Variants in ALS2 observed in about 807,000 individuals in gnomAD.
ALS2 encodes the protein alsin Rho guanine nucleotide exchange factor ALS2.
A neutral mutation model predicts 203.4 loss-of-function variants in ALS2; 117 were observed. The ratio of observed to expected loss-of-function variants is 0.58; its 90% CI spans 0.50 to 0.67. The LOEUF is 0.67. ALS2 is among the 30% of genes least tolerant of loss of function. ALS2 has a pLI of 0.00. For missense variants in ALS2, 1,715 were observed against 1,989.4 expected (o/e 0.86, Z 2.62); for synonymous variants, 718 against 725.9 (o/e 0.99, Z 0.17).
At chr2:201,738,298 G>C (rs575469870) in intron 12 of ALS2, among the ~76,000 whole-genome samples, 1 of 152,102 alleles carries the variant, frequency 6.6e-6, no homozygotes, top group African/African-American at 2.4e-5. Context: ...TTGTATCTGC[G>C]CAAACACTTT....
intron 17 of ALS2, 134 bp downstream of exon 17, chr2:201,727,078 T>C: frequency 1.0e-6 from 1 of 975,122 alleles, no homozygotes; most frequent in East Asian, 2.5e-5. Flanking sequence ...CCTACAGTTT[T>C]GGGTTAATGA....
intron 5 of ALS2, among the ~76,000 whole-genome samples, chr2:201,756,969 T>C (rs1222443134): frequency 6.6e-6 from 1 of 152,204 alleles, no homozygotes; most frequent in African/African-American, 2.4e-5. Flanking sequence ...CATAATATTC[T>C]AAAAAGTTTA....
At position 201,738,684 on chromosome 2, in the gene ALS2, A is replaced by G. The variant is rs202157209; in HGVS notation, c.2403T>C (p.Leu801=). The change falls in exon 12 of 34, where the codon CTT becomes CTC. Residue 801 remains leucine (L), a synonymous_variant. Coordinates refer to ENST00000264276, the MANE Select transcript of ALS2 (RefSeq NM_020919.4). ...NFLVMGGFQL[L]AKPAIDFLNK... ...GGTTTGCTTACATGGCAGGCTTAGC[A>G]AGAAGCTGGAATCCTCCCATAACCA... 8 of 1,614,128 alleles carry G rather than the reference A, an allele frequency of 5.0e-6. No individual in the cohort carries two copies. The Admixed American group carries it at 1.2e-4, about 24-fold the overall frequency.
intron 4 of ALS2, among the ~76,000 whole-genome samples, chr2:201,759,200 T>A (rs1229944041): frequency 6.6e-6 from 1 of 152,148 alleles, no homozygotes; most frequent in Non-Finnish European, 1.5e-5. Flanking sequence ...TCCTTCTACT[T>A]AATTATATTT....
At chr2:201,727,834 G>A (rs1026825089) in intron 15 of ALS2, 59 bp from the exon 16 acceptor site, 50 of 1,450,322 alleles carry the variant, frequency 3.4e-5, no homozygotes, top group Non-Finnish European at 4.0e-5. Flanking sequence ...CGGGGACTCT[G>A]CCCATATCCC....
rs755026610 is a variant in ALS2, at chr2:201,767,246, C to A, written c.158G>T (p.Gly53Val). ...TTCATTACCTTCAGTCAGAAGAACT[C>A]CATGTTTCACTCCGAGGGCTGCCTG... ...VLQAALGVKH[G>V]VLLTEDGEVY... Residue 53 changes from glycine to valine, a missense_variant, in exon 3 of 34, where the codon GGA (glycine) becomes GTA (valine). This residue lies in a region of ALS2 where 476 missense variants were observed against 539.3 expected (regional missense o/e 0.88). Coordinates refer to ENST00000264276, the MANE Select transcript of ALS2 (RefSeq NM_020919.4). 4 of 1,614,098 alleles carry A rather than the reference C, an allele frequency of 2.5e-6. No individual in the cohort carries two copies. Among genetic ancestry groups the A allele is most frequent in the Non-Finnish European group, 3.4e-6 (4 of 1,180,022 alleles).
At chr2:201,710,309 A>G (rs1376930173) in intron 26 of ALS2, among the ~76,000 whole-genome samples, 5 of 152,154 alleles carry the variant, frequency 3.3e-5, no homozygotes, top group African/African-American at 1.2e-4. Context: ...ACTAAAAGAA[A>G]GATTCTGCTG....
chr2:201,725,294 C>T, intron 20 of ALS2, 62 bp downstream of exon 20: 1 of 1,414,624 alleles, frequency 7.1e-7, no homozygotes, highest in South Asian at 1.2e-5. Context: ...GCTATGCAAA[C>T]ATTCAGGTTT....
At chr2:201,777,262 A>AG (rs1694703191) in intron 1 of ALS2, among the ~76,000 whole-genome samples, 1 of 152,098 alleles carries the variant, frequency 6.6e-6, no homozygotes, top group African/African-American at 2.4e-5. Context: ...TTCATGTCCT[A>AG]AAGAAAGCAT....
Position 201,753,193 on chromosome 2 carries a change from G to C in ALS2, c.1690C>G (p.Leu564Val), listed in dbSNP as rs1207537179. ...AGAGAATGGTAACCACCTGCCTCCA[G>C]ATGGATTACTTCTTTGCCATCCAGA... Reference protein sequence around the residue: ...KCLDGKEVIHLEAGGYHSLAL... With the variant: ...KCLDGKEVIHVEAGGYHSLAL... Residue 564 changes from leucine (L) to valine (V), a missense_variant, in exon 7 of 34, where the codon CTG becomes GTG. Physicochemically the swap from Leu to Val is conservative, Grantham distance 32. Around this residue, in one of 3 missense-constraint regions of ALS2, gnomAD observed 1,227 missense variants for 1,413.5 expected, o/e 0.87. Coordinates refer to ENST00000264276, the MANE Select transcript of ALS2 (RefSeq NM_020919.4). The C allele has an allele frequency of 6.2e-7, 1 of 1,614,118 alleles. No homozygotes were observed. Among genetic ancestry groups the C allele is most frequent in the South Asian group, 1.1e-5 (1 of 91,086 alleles).
intron 5 of ALS2, among the ~76,000 whole-genome samples, chr2:201,755,114 C>T (rs1208744409): frequency 5.9e-5 from 9 of 152,112 alleles, no homozygotes; most frequent in African/African-American, 1.7e-4. Context: ...CAAAAATTAA[C>T]GAGCCAGGCA....
chr2:201,702,837 C>G, intron 33 of ALS2, among the ~76,000 whole-genome samples: 1 of 152,084 alleles, frequency 6.6e-6, no homozygotes, highest in East Asian at 1.9e-4. Flanking sequence ...AATGGTAGGC[C>G]AGGTGCAGTG....
chr2:201,704,578 G>A lies in ALS2; in HGVS notation c.4714C>T (p.Leu1572Phe). ...TCAAAAGTCTGCTGGATGACCTTAAGTTTGTCTGATGGGGTAAATGTTGTG... is the reference window on the plus strand; with the variant it reads ...TCAAAAGTCTGCTGGATGACCTTAAATTTGTCTGATGGGGTAAATGTTGTG... ...ISTTFTPSDK[L>F]KVIQQTFEEI... Residue 1572 changes from leucine to phenylalanine, a missense_variant, in exon 32 of 34, where the codon CTT becomes TTT. Coordinates refer to ENST00000264276, the MANE Select transcript of ALS2 (RefSeq NM_020919.4). The A allele has an allele frequency of 6.2e-7, 1 of 1,614,140 alleles. No individual in the cohort carries two copies. Among genetic ancestry groups the A allele is most frequent in the Non-Finnish European group, 8.5e-7 (1 of 1,180,004 alleles).
In ALS2 at chr2:201,733,314, C is replaced by T. The variant is rs555276199; in HGVS notation, c.2542G>A (p.Ala848Thr). Reference protein sequence around the residue: ...FLPIRRLHNYAKVLLKLATCF... With the variant: ...FLPIRRLHNYTKVLLKLATCF... The stretch of plus-strand genomic sequence containing the variant: ...GTAGCAAGCTTTAGCAAAACTTTTG[C>T]GTAATTATGAAGTCGTCTGATTGGC... Residue 848 changes from alanine to threonine, a missense_variant, in exon 13 of 34, where the codon GCA becomes ACA. Physicochemically the swap from Ala to Thr is moderately conservative, Grantham distance 58 (BLOSUM62 0). Coordinates refer to ENST00000264276, the MANE Select transcript of ALS2 (RefSeq NM_020919.4). 2.0e-5 allele frequency: 32 copies of T among 1,613,756 alleles called. No individual in the cohort carries two copies. Among genetic ancestry groups the T allele is most frequent in the African/African-American group, 8.0e-5 (6 of 75,012 alleles).
chr2:201,736,084 T>C (rs1691858579), intron 12 of ALS2, among the ~76,000 whole-genome samples: 1 of 151,954 alleles, frequency 6.6e-6, no homozygotes, highest in African/African-American at 2.4e-5. Context: ...ATAATAAATA[T>C]AAAATCAGTA....
At chr2:201,749,926 C>A (rs908975205) in intron 7 of ALS2, 137 bp from the exon 8 acceptor site, 4 of 727,870 alleles carry the variant, frequency 5.5e-6, no homozygotes, top group Non-Finnish European at 9.8e-6. Flanking sequence ...GTCTTTCACT[C>A]TTTAACAGAT....
rs199979606 is a variant in ALS2 at position 201,741,675 on chromosome 2, C to T, written c.2350G>A (p.Glu784Lys). Residue 784 changes from glutamate to lysine, a missense_variant and splice_region_variant, in exon 11 of 34, where the codon GAG (glutamate) becomes AAG (lysine). Coordinates refer to ENST00000264276, the MANE Select transcript of ALS2 (RefSeq NM_020919.4). ...CATGACACGGGACTGGATACTTGCTCTGTATAACTATCCAAGAAGAGACTT... is the reference window on the plus strand; with the variant it reads ...CATGACACGGGACTGGATACTTGCTTTGTATAACTATCCAAGAAGAGACTT... The part of the protein sequence containing the change: ...HSSLFLDSYT[E>K]YCTSITNFLV... 1.6e-4 allele frequency: 252 copies of T among 1,613,894 alleles called. 1 individual carries two copies. Among genetic ancestry groups the T allele is most frequent in the Middle Eastern group, 1.6e-4 (1 of 6,084 alleles).
At chr2:201,738,453 G>T in intron 12 of ALS2, 1 of 559,354 alleles carries the variant, frequency 1.8e-6, no homozygotes, top group Middle Eastern at 2.9e-4. Context: ...CCGAACCTGA[G>T]CCTAGTCATT....
In ALS2 at chr2:201,715,782, G is replaced by C. The variant is rs371428175; in HGVS notation, c.3894C>G (p.Asp1298Glu). ...CACAGCCCAGTTGGCGCCAACATTC[G>C]TCAAACACCGCTTTCCACTTCTCAT... Reference protein sequence around the residue: ...PADEKWKAVFDECWRQLGCEG... With the variant: ...PADEKWKAVFEECWRQLGCEG... Residue 1298 changes from aspartate to glutamate, a missense_variant, in exon 25 of 34, where the codon GAC (aspartate) becomes GAG (glutamate). By Grantham distance (45) the Asp-to-Glu change is conservative (BLOSUM62 2). Coordinates refer to ENST00000264276, the MANE Select transcript of ALS2 (RefSeq NM_020919.4). The C allele has an allele frequency of 6.2e-7, 1 of 1,614,164 alleles. No individual in the cohort carries two copies. Among genetic ancestry groups the C allele is most frequent in the African/African-American group, 1.3e-5 (1 of 75,038 alleles).
Sources: gnomAD v4.1 joint callset for allele counts (sites outside exome capture counted in the v4.1 genomes callset) on GRCh38, gnomAD v4.1.1 for gene constraint, gnomAD v4.1.1 regional missense constraint, MANE v1.5 for transcripts, NCBI Gene and HGNC (gene_info 2026-07-23, HGNC 2026-07-21) for gene names.